Variants in MYOM2 observed in about 807,000 individuals in gnomAD.
MYOM2 encodes myomesin-2.
Under a neutral mutation model 187.6 loss-of-function variants are expected in MYOM2, and 254 were observed. That is an observed-to-expected ratio of 1.35 (90% CI 1.22 to 1.50). MYOM2 has a LOEUF of 1.50. Ranked by LOEUF, MYOM2 falls within the 40% of genes most tolerant of loss-of-function variation. The probability of loss-of-function intolerance (pLI) is 0.00; values close to 1 mark genes in which losing one functional copy is unlikely to be tolerated. For missense variants in MYOM2, 2,796 were observed against 1,924.0 expected, an observed-to-expected ratio of 1.45 and a Z score of -8.48; for synonymous variants, 981 against 753.8, an observed-to-expected ratio of 1.30 and a Z score of -4.94.
At position 2,096,496 on chromosome 8, in the gene MYOM2, T is replaced by C. The variant is rs1796491196; in HGVS notation, c.2313+62T>C. Reference sequence around the variant, plus strand: ...GGGTGGTTCTTTACATTTTTGGCAATGTTTCTGCGTTTGATGACATTAGAT... The same window carrying C: ...GGGTGGTTCTTTACATTTTTGGCAACGTTTCTGCGTTTGATGACATTAGAT... On this transcript the variant is annotated intron_variant, in intron 18 of 36. Transcript: ENST00000262113. 5.3e-6 allele frequency: 8 copies of C among 1,511,500 alleles called. No homozygotes were observed. In the South Asian group the frequency reaches 8.4e-5, roughly 16 times the overall value. The allele number at this position is 1,511,500 out of a possible 1,614,324, so 93.6% of individuals were successfully genotyped here. A position where few individuals can be genotyped will look rare whatever the true frequency, so the allele number is the denominator to read the frequency against.
rs77129889 is a variant in MYOM2 at position 2,058,575 on chromosome 8, G to A, written c.561-578G>A. On this transcript the variant is annotated intron_variant, in intron 5 of 36. Coordinates refer to ENST00000262113, the MANE Select transcript of MYOM2 (RefSeq NM_003970.4). ...TCAACATATATTGCTAAAGTTATAC[G>A]TATATATCTATGTGCATTTATATGT... Among the ~76,000 whole-genome samples, 72 of 152,264 alleles carry A rather than the reference G, an allele frequency of 4.7e-4. 1 individual carries two copies. The East Asian group carries it at 0.01, about 21-fold the overall frequency.
At chr8:2,053,412 T>C (rs1480017933) in intron 3 of MYOM2, among the ~76,000 whole-genome samples, 1 of 152,224 alleles carries the variant, frequency 6.6e-6, no homozygotes, top group Non-Finnish European at 1.5e-5. Flanking sequence ...TTCTTCTACC[T>C]ATATTTAGGT....
At chr8:2,112,455 C>T (rs1563063837) in intron 25 of MYOM2, among the ~76,000 whole-genome samples, 2 of 151,654 alleles carry the variant, frequency 1.3e-5, no homozygotes, top group Non-Finnish European at 2.9e-5. Context: ...CGCTCTAGTG[C>T]ACAGAGAGTG....
intron 3 of MYOM2, among the ~76,000 whole-genome samples, chr8:2,056,457 C>G (rs561254937): frequency 6.6e-6 from 1 of 151,918 alleles, no homozygotes; most frequent in South Asian, 2.1e-4. Context: ...CCAGGCCTGG[C>G]CGTGTTGGGG....
chr8:2,112,965 T>G (rs184922336), intron 25 of MYOM2, among the ~76,000 whole-genome samples: 36 of 152,354 alleles, frequency 2.4e-4, no homozygotes, highest in Non-Finnish European at 3.5e-4. Context: ...TTTTTTGTTT[T>G]GCTCATGTGG....
chr8:2,110,093 TG>T (rs1214481456), intron 25 of MYOM2, among the ~76,000 whole-genome samples: 2 of 152,104 alleles, frequency 1.3e-5, no homozygotes, highest in Non-Finnish European at 2.9e-5. Context: ...GAGGCCGAGA[TG>T]GGGGCATTGC....
At position 2,072,347 on chromosome 8, in the gene MYOM2, C is replaced by T. The variant is rs749371435; in HGVS notation, c.796C>T (p.Pro266Ser). The change falls in exon 9 of 37, where the codon CCC (proline) becomes TCC (serine). Residue 266 changes from proline to serine, a missense_variant and splice_region_variant. Physicochemically the swap from Pro to Ser is moderately conservative, Grantham distance 74. Coordinates refer to ENST00000262113, the MANE Select transcript of MYOM2 (RefSeq NM_003970.4). ...FRSVGLPIGL[P>S]LSSMIPYTHF... ...AAGCCTCCATCGTTTCTGTGCAGTG[C>T]CCCTGTCATCGATGATTCCGTACAC... 2.6e-5 allele frequency: 42 copies of T among 1,613,018 alleles called. No individual in the cohort carries two copies. In the Admixed American group the frequency reaches 5.5e-4, roughly 21 times the overall value.
intron 17 of MYOM2, among the ~76,000 whole-genome samples, chr8:2,095,497 G>T (rs1433185090): frequency 3.9e-5 from 6 of 152,024 alleles, no homozygotes; most frequent in Admixed American, 1.3e-4. Context: ...TTACTATGTT[G>T]CCCAGGCTGA....
chr8:2,118,104 G>C lies in MYOM2; in HGVS notation c.3453+152G>C, dbSNP rs1042272301. ...TGCGGATGGGCGGAGTGGCTTTTGG[G>C]TCCTGTGGACTTTTTAATACTTGGA... On this transcript the variant is annotated intron_variant, in intron 28 of 36. Coordinates refer to ENST00000262113, the MANE Select transcript of MYOM2 (RefSeq NM_003970.4). 12 of 599,904 alleles carry C rather than the reference G, an allele frequency of 2.0e-5. 2 individuals carry two copies. In the South Asian group the frequency reaches 2.9e-4, roughly 15 times the overall value. 37.2% of individuals were successfully genotyped at this position (599,904 alleles called of 1,614,324 possible). A position where few individuals can be genotyped will look rare whatever the true frequency, so the allele number is the denominator to read the frequency against.
chr8:2,096,189 C>T (rs545956047), intron 17 of MYOM2, 58 bp from the exon 18 acceptor site: 29 of 1,546,062 alleles, frequency 1.9e-5, no homozygotes, highest in East Asian at 9.0e-5. Flanking sequence ...CTGGCTGCCC[C>T]GGGGACAAAG....
chr8:2,096,594 C>T (rs566938039), intron 18 of MYOM2, among the ~76,000 whole-genome samples, 160 bp downstream of exon 18: 1 of 152,172 alleles, frequency 6.6e-6, no homozygotes, highest in Non-Finnish European at 1.5e-5. Context: ...CTAAAAAGAT[C>T]CTAGGAATCA....
At chr8:2,052,682 A>G (rs34709426) in intron 3 of MYOM2, among the ~76,000 whole-genome samples, 5,217 of 152,324 alleles carry the variant, frequency 0.034, 147 homozygotes, top group Middle Eastern at 0.078. Flanking sequence ...CAGACAGAGC[A>G]GGATAAGCAC....
chr8:2,115,773 G>A (rs1231476619), intron 25 of MYOM2, among the ~76,000 whole-genome samples, 187 bp from the exon 26 acceptor site: 2 of 152,200 alleles, frequency 1.3e-5, no homozygotes, highest in Non-Finnish European at 2.9e-5. Flanking sequence ...CTTTGTCACT[G>A]AGTGACAGCT....
intron 1 of MYOM2, among the ~76,000 whole-genome samples, chr8:2,048,077 C>A (rs908923550): frequency 6.6e-6 from 1 of 152,226 alleles, no homozygotes; most frequent in South Asian, 2.1e-4. Context: ...TAATAGGTCA[C>A]ATTTTGACTC....
chr8:2,055,236 T>C (rs990598609), intron 3 of MYOM2, among the ~76,000 whole-genome samples: 3 of 152,174 alleles, frequency 2.0e-5, no homozygotes, highest in Admixed American at 2.0e-4. Flanking sequence ...ACAGGGCTGG[T>C]GTCATTCAAC....
chr8:2,079,299 A>G (rs1037131851), intron 12 of MYOM2, among the ~76,000 whole-genome samples: 7 of 152,036 alleles, frequency 4.6e-5, no homozygotes, highest in Non-Finnish European at 1.0e-4. Context: ...CAGATTCCTT[A>G]ATGGGACTGG....
At chr8:2,109,048 G>T (rs773228955) in intron 24 of MYOM2, among the ~76,000 whole-genome samples, 2 of 152,124 alleles carry the variant, frequency 1.3e-5, no homozygotes, top group South Asian at 4.1e-4. Flanking sequence ...TAGAATTTTG[G>T]GTTTAGTATA....
At chr8:2,050,703 G>GC in intron 1 of MYOM2, 52 bp from the exon 2 acceptor site, 1 of 1,046,610 alleles carries the variant, frequency 9.6e-7, no homozygotes, top group Middle Eastern at 2.6e-4. Flanking sequence ...AATGGCAGAG[G>GC]CCTCATGATG....
At chr8:2,062,460 T>C (rs1186025209) in intron 6 of MYOM2, among the ~76,000 whole-genome samples, 1 of 152,050 alleles carries the variant, frequency 6.6e-6, no homozygotes, top group Non-Finnish European at 1.5e-5. Context: ...CCAGCAGGAT[T>C]TGCTGCTGGG....
Sources: gnomAD v4.1 joint callset for allele counts (sites outside exome capture counted in the v4.1 genomes callset) on GRCh38, gnomAD v4.1.1 for gene constraint, MANE v1.5 for transcripts, NCBI Gene and HGNC (gene_info 2026-07-23, HGNC 2026-07-21) for gene names.